Variants in P4HA3 observed in about 807,000 individuals in gnomAD.
The protein encoded by P4HA3 is prolyl 4-hydroxylase subunit alpha 3.
A neutral mutation model predicts 66.7 loss-of-function variants in P4HA3; 60 were observed. The ratio of observed to expected loss-of-function variants is 0.90; its 90% CI spans 0.73 to 1.12. P4HA3 has a LOEUF of 1.12. Among genes scored for constraint, P4HA3 ranks in the 50% most tolerant of loss-of-function variants. The pLI, the probability that P4HA3 is intolerant of heterozygous loss-of-function variation, is 0.00. For missense variants in P4HA3, 683 were observed against 685.8 expected, an observed-to-expected ratio of 1.00 and a Z score of 0.05; for synonymous variants, 263 against 274.6, an observed-to-expected ratio of 0.96 and a Z score of 0.42.
At chr11:74,289,680 G>A (rs923473426) in intron 4 of P4HA3, among the ~76,000 whole-genome samples, 5 of 145,630 alleles carry the variant, frequency 3.4e-5, no homozygotes, top group Non-Finnish European at 5.9e-5. Context: ...CCACCTATGA[G>A]TGAGAACATG....
chr11:74,298,592 C>T (rs1042306983), intron 3 of P4HA3, among the ~76,000 whole-genome samples: 2 of 152,176 alleles, frequency 1.3e-5, no homozygotes, highest in African/African-American at 4.8e-5. Flanking sequence ...GAAAAGAGAA[C>T]ATGACCTCAA....
intron 3 of P4HA3, among the ~76,000 whole-genome samples, chr11:74,300,717 C>T (rs1861380552): frequency 6.6e-6 from 1 of 152,030 alleles, no homozygotes; most frequent in Non-Finnish European, 1.5e-5. Context: ...AATTTGGCCA[C>T]ATGTTGATAA....
intron 15 of P4HA3, among the ~76,000 whole-genome samples, chr11:74,257,157 CTCT>C (rs1859843942): frequency 6.6e-6 from 1 of 152,082 alleles, no homozygotes; most frequent in Non-Finnish European, 1.5e-5. Context: ...AGACAGTCTC[CTCT>C]GTCACCTAGG....
At chr11:74,251,466 T>C (rs565099389) in intron 15 of P4HA3, 1 of 1,428,146 alleles carries the variant, frequency 7.0e-7, no homozygotes, top group Non-Finnish European at 9.1e-7. Flanking sequence ...CTGGCAAGGA[T>C]AGTGGGGAGG....
chr11:74,299,365 A>T (rs1861328528), intron 3 of P4HA3, among the ~76,000 whole-genome samples: 1 of 152,222 alleles, frequency 6.6e-6, no homozygotes, highest in Non-Finnish European at 1.5e-5. Context: ...ACTTCCTGAC[A>T]GGGAAAAATC....
chr11:74,271,544 T>C (rs930328046), intron 10 of P4HA3, among the ~76,000 whole-genome samples: 5 of 151,954 alleles, frequency 3.3e-5, no homozygotes, highest in African/African-American at 1.2e-4. Context: ...TTTTTTTTAA[T>C]AGAGACAGGG....
chr11:74,278,156 C>A (rs1278423727), intron 8 of P4HA3, among the ~76,000 whole-genome samples: 1 of 152,050 alleles, frequency 6.6e-6, no homozygotes, highest in Non-Finnish European at 1.5e-5. Context: ...TCCAGTGGGG[C>A]ACTCAGGTAA....
chr11:74,287,052 C>G (rs1860824982), intron 5 of P4HA3: 2 of 1,125,394 alleles, frequency 1.8e-6, no homozygotes, highest in Non-Finnish European at 1.1e-6. Context: ...GACTTTGGCT[C>G]TAGACTGGAT....
Position 74,280,123 on chromosome 11 carries a change from T to C in P4HA3, c.1111-671A>G, listed in dbSNP as rs148059858. Among the ~76,000 whole-genome samples, 34 of 152,298 alleles carry C rather than the reference T, an allele frequency of 2.2e-4. 1 individual carries two copies. In the East Asian group the frequency reaches 5.0e-3, roughly 22 times the overall value. ...AGTTTAACTAAATGCCTCTCTTTTG[T>C]TCTGAATGTCTAGGTATAGCATTTA... On this transcript the variant is annotated intron_variant, in intron 7 of 12. Transcript: ENST00000331597.
At position 74,251,473 on chromosome 11, in the gene P4HA3, G is replaced by A. The variant is rs994827940; in HGVS notation, c.*1319-3472C>T. On this transcript the variant is annotated intron_variant and NMD_transcript_variant, in intron 15 of 15. Coordinates refer to the P4HA3 transcript ENST00000524388. The stretch of plus-strand genomic sequence containing the variant: ...AGCTATCCCTGGCAAGGATAGTGGG[G>A]AGGAGTCTTCTAGCTCTGCTAGGGA... 1.6e-5 allele frequency: 23 copies of A among 1,432,692 alleles called. No homozygotes were observed. In the African/African-American group the frequency reaches 2.9e-4, roughly 18 times the overall value. The allele number at this position is 1,432,692 out of a possible 1,614,324, so 88.7% of individuals were successfully genotyped here.
At chr11:74,293,513 C>T (rs1447557467) in intron 4 of P4HA3, among the ~76,000 whole-genome samples, 3 of 152,138 alleles carry the variant, frequency 2.0e-5, no homozygotes, top group South Asian at 2.1e-4. Flanking sequence ...TTATTTTGCT[C>T]GTTAGTTGAT....
At chr11:74,271,819 T>C (rs1287174790) in intron 10 of P4HA3, among the ~76,000 whole-genome samples, 2 of 152,156 alleles carry the variant, frequency 1.3e-5, no homozygotes, top group Admixed American at 6.5e-5. Context: ...CTTGAAATTG[T>C]CTCGAGAAAT....
chr11:74,265,055 CTG>C (rs1481219265), downstream of P4HA3, among the ~76,000 whole-genome samples: 2 of 152,166 alleles, frequency 1.3e-5, no homozygotes, highest in African/African-American at 4.8e-5. Context: ...ATGGGGATAA[CTG>C]TATTGACCTC....
intron 15 of P4HA3, chr11:74,251,506 G>C (rs1859661183): frequency 3.4e-6 from 5 of 1,461,606 alleles, no homozygotes; most frequent in Non-Finnish European, 4.5e-6. Context: ...GGAGGGCCTA[G>C]GTCCTTTTAA....
intron 4 of P4HA3, among the ~76,000 whole-genome samples, chr11:74,295,390 G>A (rs1403084066): frequency 6.6e-6 from 1 of 152,158 alleles, no homozygotes; most frequent in African/African-American, 2.4e-5. Flanking sequence ...AATCCCGGAT[G>A]GGTATCTAGC....
chr11:74,255,420 G>T (rs79534721), intron 15 of P4HA3, among the ~76,000 whole-genome samples: 6,057 of 152,236 alleles, frequency 0.04, 254 homozygotes, highest in African/African-American at 0.11. Flanking sequence ...CCTCCACACT[G>T]TTGGAGGCTT....
intron 7 of P4HA3, 84 bp downstream of exon 7, chr11:74,285,725 T>C: frequency 7.1e-7 from 1 of 1,413,102 alleles, no homozygotes; most frequent in South Asian, 1.3e-5. Flanking sequence ...TGTCTAGTTG[T>C]TCAGGTTGCC....
In P4HA3 at chr11:74,268,138, G is replaced by C; in HGVS notation, c.1564+7C>G. Reference sequence around the variant, plus strand: ...CCCCTTCTCATGCCCAGAAAGGCAAGACTTACCCCACTTATCTCCCACCAG... The same window carrying C: ...CCCCTTCTCATGCCCAGAAAGGCAACACTTACCCCACTTATCTCCCACCAG... On this transcript the variant is annotated splice_region_variant and intron_variant, in intron 12 of 12. Transcript: ENST00000331597. The C allele has an allele frequency of 6.2e-7, 1 of 1,612,482 alleles. No individual in the cohort carries two copies. The highest frequency in any genetic ancestry group is 8.5e-7 in the Non-Finnish European group (1 of 1,178,620).
At chr11:74,283,531 TC>T (rs1860679631) in intron 7 of P4HA3, among the ~76,000 whole-genome samples, 2 of 152,276 alleles carry the variant, frequency 1.3e-5, no homozygotes, top group South Asian at 4.1e-4. Flanking sequence ...CATGCAACTC[TC>T]CCATTAAAAC....
Sources: gnomAD v4.1 joint callset for allele counts (sites outside exome capture counted in the v4.1 genomes callset) on GRCh38, gnomAD v4.1.1 for gene constraint, MANE v1.5 for transcripts, NCBI Gene and HGNC (gene_info 2026-07-23, HGNC 2026-07-21) for gene names.